The following CSNK1D variants were observed in gnomAD, a reference collection of about 807,000 sequenced individuals.
CSNK1D encodes casein kinase 1 delta, also known as casein kinase I isoform delta.
CSNK1D carries 16 observed loss-of-function variants against 46.6 expected under a neutral mutation model. That is an observed-to-expected ratio of 0.34 (90% CI 0.23 to 0.52). The LOEUF (loss-of-function observed/expected upper bound fraction) is 0.52, where lower values mean the gene tolerates loss of function less well. Among genes scored for constraint, CSNK1D ranks in the 20% least tolerant of loss-of-function variants. The pLI is 0.95. For synonymous variants in CSNK1D, 276 were observed against 228.2 expected, an observed-to-expected ratio of 1.21 and a Z score of -1.89; for missense variants, 398 against 578.4, an observed-to-expected ratio of 0.69 and a Z score of 3.20.
Position 82,252,724 on chromosome 17 carries a change from C to A in CSNK1D, c.566-120G>T. 1 of 1,070,594 alleles carries A rather than the reference C, an allele frequency of 9.3e-7. No individual in the cohort carries two copies. The allele number at this position is 1,070,594 out of a possible 1,614,324, so 66.3% of individuals were successfully genotyped here. On this transcript the variant is annotated intron_variant, in intron 4 of 8. Transcript: ENST00000314028. The surrounding 1 kb of genome is among the most constrained non-coding windows in gnomAD (Gnocchi z 4.6). ...GACACACATGCCCAGATCACTCCAG[C>A]TGGCACTTCCAGTGGAGACGAACCT...
rs1258941261 is a variant in CSNK1D, at chr17:82,249,274, C to T, written c.1057+157G>A. Reference sequence around the variant, plus strand: ...CAGCAGGTGCCGGCATTTCTAAAGGCGCCTGGGCAGCCTGGCTCATCCACC... The same window carrying T: ...CAGCAGGTGCCGGCATTTCTAAAGGTGCCTGGGCAGCCTGGCTCATCCACC... On this transcript the variant is annotated intron_variant, in intron 7 of 8. Transcript: ENST00000314028. This position sits in a 1 kb window ranked among gnomAD's most constrained non-coding sequence, Gnocchi z 6.7. 1.5e-5 allele frequency: 13 copies of T among 864,172 alleles called. No homozygotes were observed. The highest frequency in any genetic ancestry group is 2.3e-5 in the Non-Finnish European group (13 of 572,944). The allele number at this position is 864,172 out of a possible 1,614,324, so 53.5% of individuals were successfully genotyped here. A position where few individuals can be genotyped will look rare whatever the true frequency, so the allele number is the denominator to read the frequency against.
At chr17:82,247,477 TCTTTGTCA>T in intron 8 of CSNK1D, 3 of 985,496 alleles carry the variant, frequency 3.0e-6, no homozygotes, top group Non-Finnish European at 3.6e-6. Flanking sequence ...CCTTCCCTAG[TCTTTGTCA>T]GCCAAGCGCT....
chr17:82,271,615 G>A (rs751379381), intron 1 of CSNK1D, among the ~76,000 whole-genome samples: 3 of 152,280 alleles, frequency 2.0e-5, no homozygotes, highest in East Asian at 1.9e-4. Context: ...AGTCCACTAA[G>A]GCATATGTAC....
chr17:82,269,725 C>G (rs945234633), intron 1 of CSNK1D, among the ~76,000 whole-genome samples: 1 of 152,238 alleles, frequency 6.6e-6, no homozygotes, highest in African/African-American at 2.4e-5. Flanking sequence ...CAGGTGAGAA[C>G]AGAGGCAGGA....
chr17:82,273,381 T>TGGC lies in CSNK1D; in HGVS notation c.-3_-1dup, dbSNP rs745631519. On this transcript the variant is annotated 5_prime_UTR_variant, in exon 1 of 9. Transcript: ENST00000314028. This position sits in a 1 kb window ranked among gnomAD's most constrained non-coding sequence, Gnocchi z 5.1. ...TACCTGTTCCCGACTCTCAGCTCCATGGCGGCGGCGGCCCGATTCGCTCCT... is the reference window on the plus strand; with the variant it reads ...TACCTGTTCCCGACTCTCAGCTCCATGGCGGCGGCGGCGGCCCGATTCGCTCCT... 10 of 1,610,758 alleles carry TGGC rather than the reference T, an allele frequency of 6.2e-6. No individual in the cohort carries two copies. Among genetic ancestry groups the TGGC allele is most frequent in the East Asian group, 4.5e-5 (2 of 44,744 alleles).
At chr17:82,264,849 C>G (rs1457503399) in intron 2 of CSNK1D, among the ~76,000 whole-genome samples, 1 of 149,538 alleles carries the variant, frequency 6.7e-6, no homozygotes, top group Non-Finnish European at 1.5e-5. Flanking sequence ...CCAGGCTGGA[C>G]TGCAGTGGCG....
chr17:82,249,201 A>G lies in CSNK1D; in HGVS notation c.1058-187T>C. ...ACAAAGGGACATGGGAGCGAGGTCA[A>G]GGGGCTCACAGGGGAGGAACGTGAG... On this transcript the variant is annotated intron_variant, in intron 7 of 8. Transcript: ENST00000314028. This position sits in a 1 kb window ranked among gnomAD's most constrained non-coding sequence, Gnocchi z 6.7. 4 of 786,374 alleles carry G rather than the reference A, an allele frequency of 5.1e-6. No homozygotes were observed. The highest frequency in any genetic ancestry group is 8.0e-6 in the Non-Finnish European group (4 of 502,564). 48.7% of individuals were successfully genotyped at this position (786,374 alleles called of 1,614,324 possible).
rs1411455409 is a variant in CSNK1D, at chr17:82,244,599, C to A, written c.*182G>T. 6.6e-7 allele frequency: 1 copy of A among 1,517,554 alleles called. No individual in the cohort carries two copies. The highest frequency in any genetic ancestry group is 8.8e-7 in the Non-Finnish European group (1 of 1,134,476). The allele number at this position is 1,517,554 out of a possible 1,614,324, so 94.0% of individuals were successfully genotyped here. A position where few individuals can be genotyped will look rare whatever the true frequency, so the allele number is the denominator to read the frequency against. ...GGCCGCAGTGCAGCCCCAGCGGTGGCAGCTCTTGGAGTCTGTCCGTTTAGT... is the reference window on the plus strand; with the variant it reads ...GGCCGCAGTGCAGCCCCAGCGGTGGAAGCTCTTGGAGTCTGTCCGTTTAGT... On this transcript the variant is annotated 3_prime_UTR_variant, in exon 9 of 9. Coordinates refer to ENST00000314028, the MANE Select transcript of CSNK1D (RefSeq NM_001893.6).
At chr17:82,247,691 CTG>C (rs1431432943) in intron 8 of CSNK1D, 4 of 985,308 alleles carry the variant, frequency 4.1e-6, no homozygotes, top group African/African-American at 1.7e-5. Context: ...CCTTTCTGTG[CTG>C]TGTCTGGAGG....
Position 82,250,215 on chromosome 17 carries a change from C to A in CSNK1D, c.886-613G>T, listed in dbSNP as rs1003509427. ...GCAGATTCTAACTGCCAATGCTGTG[C>A]GGCAGGGGCCTGCAAACTACAGCCC... is the stretch of plus-strand genomic sequence containing the variant. On this transcript the variant is annotated intron_variant, in intron 6 of 8. Transcript: ENST00000314028. The surrounding 1 kb of genome is among the most constrained non-coding windows in gnomAD (Gnocchi z 4.6). 7.8e-7 allele frequency: 1 copy of A among 1,289,642 alleles called. No individual in the cohort carries two copies. The highest frequency in any genetic ancestry group is 1.0e-6 in the Non-Finnish European group (1 of 988,796). The allele number at this position is 1,289,642 out of a possible 1,614,324, so 79.9% of individuals were successfully genotyped here. A position where few individuals can be genotyped will look rare whatever the true frequency, so the allele number is the denominator to read the frequency against.
chr17:82,250,281 C>T lies in CSNK1D; in HGVS notation c.886-679G>A, dbSNP rs2050968243. ...GTGCCACTTCTTCCTGCAAGTACAG[C>T]TCATTGGACACAGCCACGTTCACCA... On this transcript the variant is annotated intron_variant, in intron 6 of 8. Coordinates refer to ENST00000314028, the MANE Select transcript of CSNK1D (RefSeq NM_001893.6). This position sits in a 1 kb window ranked among gnomAD's most constrained non-coding sequence, Gnocchi z 4.6. 1.8e-6 allele frequency: 2 copies of T among 1,103,402 alleles called. No homozygotes were observed. Among genetic ancestry groups the T allele is most frequent in the African/African-American group, 3.2e-5 (2 of 62,022 alleles). 68.4% of individuals were successfully genotyped at this position (1,103,402 alleles called of 1,614,324 possible). A position where few individuals can be genotyped will look rare whatever the true frequency, so the allele number is the denominator to read the frequency against.
Position 82,249,128 on chromosome 17 carries a change from C to G in CSNK1D, c.1058-114G>C. The G allele has an allele frequency of 7.5e-7, 1 of 1,332,700 alleles. No homozygotes were observed. The allele number at this position is 1,332,700 out of a possible 1,614,324, so 82.6% of individuals were successfully genotyped here. A position where few individuals can be genotyped will look rare whatever the true frequency, so the allele number is the denominator to read the frequency against. On this transcript the variant is annotated intron_variant, in intron 7 of 8. Coordinates refer to ENST00000314028, the MANE Select transcript of CSNK1D (RefSeq NM_001893.6). This position sits in a 1 kb window ranked among gnomAD's most constrained non-coding sequence, Gnocchi z 6.7. Reference sequence around the variant, plus strand: ...CCCTGGGCTGCCTGGACAGTCAGGACCTGGCTGTGGCCGATGGCCACCAAC... The same window carrying G: ...CCCTGGGCTGCCTGGACAGTCAGGAGCTGGCTGTGGCCGATGGCCACCAAC...
chr17:82,260,476 G>A (rs1244069791), intron 2 of CSNK1D, among the ~76,000 whole-genome samples: 3 of 145,132 alleles, frequency 2.1e-5, no homozygotes, highest in African/African-American at 7.6e-5. Context: ...ACTGAGTGAT[G>A]TGACTGATGG....
Position 82,255,635 on chromosome 17 carries a change from A to G in CSNK1D, c.188-58T>C. ...CCAGGCCCTGCCTCAGCTCCACACT[A>G]AGTCTGCACTGTGCACACCAAGGGG... On this transcript the variant is annotated intron_variant, in intron 2 of 8. Transcript: ENST00000314028. This position sits in a 1 kb window ranked among gnomAD's most constrained non-coding sequence, Gnocchi z 5.9. 6.2e-7 allele frequency: 1 copy of G among 1,601,094 alleles called. No homozygotes were observed. Among genetic ancestry groups the G allele is most frequent in the Non-Finnish European group, 8.6e-7 (1 of 1,168,690 alleles).
chr17:82,268,969 C>A (rs533636088), intron 1 of CSNK1D, among the ~76,000 whole-genome samples: 1 of 151,876 alleles, frequency 6.6e-6, no homozygotes, highest in African/African-American at 2.4e-5. Flanking sequence ...TGCTGGTGTG[C>A]GCCTCTAACC....
At position 82,251,669 on chromosome 17, in the gene CSNK1D, C is replaced by T; in HGVS notation, c.737-142G>A. ...CAAAACACCTGTCAGATTTCTAAGACCTGAAGCCTTGAGAAAGCATCGAAA... is the reference window on the plus strand; with the variant it reads ...CAAAACACCTGTCAGATTTCTAAGATCTGAAGCCTTGAGAAAGCATCGAAA... On this transcript the variant is annotated intron_variant, in intron 5 of 8. Coordinates refer to ENST00000314028, the MANE Select transcript of CSNK1D (RefSeq NM_001893.6). The surrounding 1 kb of genome is among the most constrained non-coding windows in gnomAD (Gnocchi z 4.5). 2.2e-6 allele frequency: 2 copies of T among 897,980 alleles called. No homozygotes were observed. Among genetic ancestry groups the T allele is most frequent in the Non-Finnish European group, 3.6e-6 (2 of 558,572 alleles). 55.6% of individuals were successfully genotyped at this position (897,980 alleles called of 1,614,324 possible).
At chr17:82,247,235 C>G (rs975574300) in intron 8 of CSNK1D, 7 of 985,468 alleles carry the variant, frequency 7.1e-6, no homozygotes, top group Non-Finnish European at 8.4e-6. Flanking sequence ...TAAGAGCCAG[C>G]TGCGGGTTCC....
chr17:82,262,858 T>C (rs767477846), intron 2 of CSNK1D, among the ~76,000 whole-genome samples: 6 of 152,218 alleles, frequency 3.9e-5, no homozygotes, highest in Admixed American at 2.6e-4. Context: ...CGGACATCAT[T>C]TGTTTTCTAA....
Position 82,252,898 on chromosome 17 carries a change from A to T in CSNK1D, c.565+118T>A. 1 of 972,282 alleles carries T rather than the reference A, an allele frequency of 1.0e-6. No individual in the cohort carries two copies. The highest frequency in any genetic ancestry group is 1.6e-6 in the Non-Finnish European group (1 of 623,622). The allele number at this position is 972,282 out of a possible 1,614,324, so 60.2% of individuals were successfully genotyped here. A position where few individuals can be genotyped will look rare whatever the true frequency, so the allele number is the denominator to read the frequency against. On this transcript the variant is annotated intron_variant, in intron 4 of 8. Transcript: ENST00000314028. The surrounding 1 kb of genome is among the most constrained non-coding windows in gnomAD (Gnocchi z 4.6). The stretch of plus-strand genomic sequence containing the variant: ...AGTCACGAGCCAGCCTGTCTGCCGC[A>T]AAGGTCTGATGACACGCTTGCAGCC...
Sources: gnomAD v4.1 joint callset for allele counts (sites outside exome capture counted in the v4.1 genomes callset) on GRCh38, gnomAD v4.1.1 for gene constraint, Gnocchi (gnomAD v3.1) non-coding constraint, MANE v1.5 for transcripts, NCBI Gene and HGNC (gene_info 2026-07-23, HGNC 2026-07-21) for gene names.